The following HOMER2 variants were observed in gnomAD, a reference collection of about 807,000 sequenced individuals.
HOMER2 encodes homer protein homolog 2.
Under a neutral mutation model 47.0 loss-of-function variants are expected in HOMER2, and 27 were observed. The ratio of observed to expected loss-of-function variants is 0.57; its 90% CI spans 0.42 to 0.79. The LOEUF (loss-of-function observed/expected upper bound fraction) is 0.79, where lower values mean the gene tolerates loss of function less well. Ranked by LOEUF, HOMER2 falls within the 30% of genes least tolerant of loss-of-function variation. HOMER2 has a pLI of 0.00. For synonymous variants in HOMER2, 161 were observed against 163.8 expected (o/e 0.98, Z 0.13); for missense variants, 443 against 435.0 (o/e 1.02, Z -0.16).
intron 1 of HOMER2, among the ~76,000 whole-genome samples, chr15:82,976,225 T>G (rs901186750): frequency 2.0e-5 from 3 of 152,078 alleles, no homozygotes; most frequent in African/African-American, 7.2e-5. Flanking sequence ...CTGAAGTACC[T>G]CTATACTTAT....
chr15:82,901,999 A>G (rs943024006), intron 1 of HOMER2, among the ~76,000 whole-genome samples: 2 of 152,218 alleles, frequency 1.3e-5, no homozygotes, highest in Admixed American at 1.3e-4. Flanking sequence ...TATCCACAGT[A>G]TGCTGTCTAT....
At chr15:82,848,285 G>A (rs2051283073), downstream of HOMER2, among the ~76,000 whole-genome samples, 1 of 152,178 alleles carries the variant, frequency 6.6e-6, no homozygotes, top group Non-Finnish European at 1.5e-5. Context: ...GTCTAACCAC[G>A]TCCATGGGAG....
At chr15:82,898,521 G>A (rs1008158650) in intron 1 of HOMER2, 2 of 152,214 alleles carry the variant, frequency 1.3e-5, no homozygotes, top group Non-Finnish European at 2.9e-5. Context: ...CGCTTCTTTA[G>A]ACAGACAATA....
intron 1 of HOMER2, among the ~76,000 whole-genome samples, chr15:82,971,413 C>CAT (rs941433590): frequency 2.6e-5 from 4 of 151,056 alleles, no homozygotes; most frequent in Admixed American, 1.3e-4. Flanking sequence ...GAGACAGATA[C>CAT]ATACACACAC....
rs1229186875 is a variant in HOMER2 at position 82,922,196 on chromosome 15, GCAC to G, written c.6-29358_6-29356del. ...ACACTGAAAGACCTTCCTTGTATGA[GCAC>G]CACTGCCCCTGACACAGATCTGCCA... On this transcript the variant is annotated intron_variant, in intron 1 of 8. Coordinates refer to ENST00000450735, the MANE Select transcript of HOMER2 (RefSeq NM_004839.4). 2.6e-5 allele frequency among the ~76,000 whole-genome samples: 4 copies of G among 152,256 alleles called. No individual in the cohort carries two copies. The East Asian group carries it at 7.7e-4, about 29-fold the overall frequency.
intron 1 of HOMER2, among the ~76,000 whole-genome samples, chr15:82,909,842 T>C (rs148355032): frequency 6.6e-6 from 1 of 152,236 alleles, no homozygotes; most frequent in East Asian, 1.9e-4. Flanking sequence ...TATTAAAAGC[T>C]AACTTGTTTC....
exon 2 of HOMER2, chr15:82,840,547 G>A (rs2051166337): frequency 6.6e-6 from 1 of 152,014 alleles, no homozygotes. Flanking sequence ...TCGGCCCCCA[G>A]GGCTCAAGTG....
At chr15:82,894,132 C>T (rs1205573956) in intron 1 of HOMER2, among the ~76,000 whole-genome samples, 1 of 152,136 alleles carries the variant, frequency 6.6e-6, no homozygotes, top group Non-Finnish European at 1.5e-5. Flanking sequence ...ACTCCACATG[C>T]CTAAAGCATT....
intron 3 of HOMER2, among the ~76,000 whole-genome samples, chr15:82,874,643 C>T: frequency 6.6e-6 from 1 of 152,192 alleles, no homozygotes. Flanking sequence ...GTAACATACA[C>T]ACACCACTGT....
At chr15:82,959,779 C>T (rs2054615412) in intron 1 of HOMER2, among the ~76,000 whole-genome samples, 3 of 152,094 alleles carry the variant, frequency 2.0e-5, no homozygotes. Flanking sequence ...ATACCCAGAG[C>T]CCCAAGAGTT....
intron 1 of HOMER2, among the ~76,000 whole-genome samples, chr15:82,965,484 C>T (rs1374503931): frequency 6.6e-6 from 1 of 152,160 alleles, no homozygotes; most frequent in Non-Finnish European, 1.5e-5. Context: ...ATATCTCCTA[C>T]CTCTGAGGTA....
At chr15:82,935,513 C>A (rs1437432172) in intron 1 of HOMER2, among the ~76,000 whole-genome samples, 1 of 152,120 alleles carries the variant, frequency 6.6e-6, no homozygotes, top group Non-Finnish European at 1.5e-5. Flanking sequence ...CAGCTGACCT[C>A]TCGGCTAAGC....
At position 82,972,339 on chromosome 15, in the gene HOMER2, A is replaced by G. The variant is rs987550901; in HGVS notation, n.83-13031T>C. On this transcript the variant is annotated intron_variant and non_coding_transcript_variant, in intron 1 of 1. Transcript: ENST00000500334. ...GTGGGGTGCCCTTCTGGCTAAGAATACAAATTATGTTCTTAAAGTTTTACA... is the reference window on the plus strand; with the variant it reads ...GTGGGGTGCCCTTCTGGCTAAGAATGCAAATTATGTTCTTAAAGTTTTACA... Among the ~76,000 whole-genome samples the G allele has an allele frequency of 2.0e-5, 3 of 152,330 alleles. No homozygotes were observed. The East Asian group carries it at 5.8e-4, about 29-fold the overall frequency.
upstream of HOMER2, among the ~76,000 whole-genome samples, chr15:82,953,377 G>C (rs200651064): frequency 1.3e-5 from 2 of 152,278 alleles, no homozygotes; most frequent in East Asian, 1.9e-4. Context: ...TTTATCCTTA[G>C]AGCGAGGGGA....
intron 1 of HOMER2, among the ~76,000 whole-genome samples, chr15:82,897,198 T>C (rs1419236899): frequency 6.6e-6 from 1 of 150,966 alleles, no homozygotes; most frequent in Admixed American, 6.7e-5. Context: ...CCCAAGTAGC[T>C]GGGATTACAG....
intron 1 of HOMER2, among the ~76,000 whole-genome samples, chr15:82,894,545 C>T (rs2052837881): frequency 6.6e-6 from 1 of 151,804 alleles, no homozygotes; most frequent in African/African-American, 2.4e-5. Context: ...GTGGCGGGTG[C>T]CTGTAGTCCC....
chr15:82,848,680 A>C (rs999682542), downstream of HOMER2, among the ~76,000 whole-genome samples: 5 of 152,188 alleles, frequency 3.3e-5, no homozygotes, highest in African/African-American at 1.2e-4. Context: ...CTAGGTACCA[A>C]GCCCTGGGCA....
At chr15:82,895,800 A>C (rs1567039121) in intron 1 of HOMER2, among the ~76,000 whole-genome samples, 2 of 152,188 alleles carry the variant, frequency 1.3e-5, no homozygotes, top group Non-Finnish European at 2.9e-5. Context: ...CATGACAGGA[A>C]TTAGCTGGTA....
intron 1 of HOMER2, among the ~76,000 whole-genome samples, chr15:82,927,696 C>A (rs994018360): frequency 6.6e-6 from 1 of 151,896 alleles, no homozygotes; most frequent in Non-Finnish European, 1.5e-5. Flanking sequence ...GCTGGCTGGG[C>A]GCAGTGGCTC....
Sources: gnomAD v4.1 joint callset for allele counts (sites outside exome capture counted in the v4.1 genomes callset) on GRCh38, gnomAD v4.1.1 for gene constraint, MANE v1.5 for transcripts, NCBI Gene and HGNC (gene_info 2026-07-23, HGNC 2026-07-21) for gene names.